The following SFTPC variants were observed in gnomAD, a reference collection of about 807,000 sequenced individuals.
SFTPC encodes the protein BRICHOS domain containing 6.
SFTPC carries 12 observed loss-of-function variants against 19.9 expected under a neutral mutation model. That is an observed-to-expected ratio of 0.60 (90% CI 0.39 to 0.98). SFTPC has a LOEUF of 0.98. SFTPC is among the 50% of genes least tolerant of loss of function. SFTPC has a pLI of 0.00. For missense variants in SFTPC, 219 were observed against 252.2 expected, an observed-to-expected ratio of 0.87 and a Z score of 0.89; for synonymous variants, 123 against 103.3, an observed-to-expected ratio of 1.19 and a Z score of -1.16.
upstream of SFTPC, chr8:22,158,549 G>C (rs1241888427): frequency 6.6e-6 from 1 of 152,274 alleles, no homozygotes; most frequent in Non-Finnish European, 1.5e-5. Context: ...CCCAGAAACA[G>C]ACAAAGAGGG....
intron 1 of SFTPC, 134 bp downstream of exon 1, chr8:22,162,004 C>G (rs1450508610): frequency 1.0e-6 from 1 of 954,426 alleles, no homozygotes; most frequent in African/African-American, 1.6e-5. Context: ...TGTGATAAGT[C>G]AGGATGGGGA....
chr8:22,162,449 T>C, intron 1 of SFTPC, 125 bp from the exon 2 acceptor site: 2 of 1,063,610 alleles, frequency 1.9e-6, no homozygotes, highest in Non-Finnish European at 2.9e-6. Flanking sequence ...AGCCCTTCCC[T>C]GTCCATCCAT....
rs2131823690 is a variant in SFTPC, at chr8:22,164,308, AG to A, written c.*64del. 1 of 1,536,158 alleles carries A rather than the reference AG, an allele frequency of 6.5e-7. No homozygotes were observed. The highest frequency in any genetic ancestry group is 1.2e-5 in the South Asian group (1 of 84,068). ...ACGGGAAAGGAAACGCCCCGGGCAA[AG>A]GGTCTTTTGCAGCTTTTGCAGACGG... On this transcript the variant is annotated 3_prime_UTR_variant, in exon 6 of 6. Coordinates refer to ENST00000679463, the MANE Select transcript of SFTPC (RefSeq NM_001317778.2).
chr8:22,162,933 T>C, intron 2 of SFTPC, 147 bp from the exon 3 acceptor site: 1 of 1,352,832 alleles, frequency 7.4e-7, no homozygotes, highest in Non-Finnish European at 1.0e-6. Flanking sequence ...GACAGCCAGC[T>C]CCCTCCAGCA....
Position 22,163,527 on chromosome 8 carries a change from G to A in SFTPC, c.416G>A (p.Arg139Lys). 6.2e-7 allele frequency: 1 copy of A among 1,612,626 alleles called. No individual in the cohort carries two copies. Among genetic ancestry groups the A allele is most frequent in the Middle Eastern group, 1.6e-4 (1 of 6,062 alleles). Reference sequence around the variant, plus strand: ...ATCCCCAGTCTTGAGGCTCTCACTAGAAAAGTCCACAACTTCCAGGTGTGT... The same window carrying A: ...ATCCCCAGTCTTGAGGCTCTCACTAAAAAAGTCCACAACTTCCAGGTGTGT... ...ESIPSLEALT[R>K]KVHNFQAKPA... Residue 139 changes from arginine to lysine, a missense_variant, in exon 4 of 6, where the codon AGA becomes AAA. Transcript: ENST00000679463.
intron 5 of SFTPC, 95 bp downstream of exon 5, chr8:22,164,154 G>A: frequency 1.3e-6 from 2 of 1,555,536 alleles, no homozygotes; most frequent in East Asian, 2.4e-5. Flanking sequence ...GCGCTGGGGC[G>A]TCCACTGAAG....
upstream of SFTPC, among the ~76,000 whole-genome samples, chr8:22,158,367 G>A (rs1248757895): frequency 1.3e-5 from 2 of 152,082 alleles, no homozygotes; most frequent in African/African-American, 2.4e-5. Context: ...GGGGCAGCTG[G>A]GCAACTGTCC....
chr8:22,161,576 C>T (rs1370947055), upstream of SFTPC: 2 of 1,160,524 alleles, frequency 1.7e-6, no homozygotes, highest in East Asian at 2.7e-5. Context: ...GTTTGCTCAA[C>T]TCACCCAGGT....
Position 22,161,851 on chromosome 8 carries a change from T to C in SFTPC, c.23T>C (p.Val8Ala). Reference protein sequence around the residue: MDVGSKEVLMESPPDYSA... With the variant: MDVGSKEALMESPPDYSA... ...AAGATGGATGTGGGCAGCAAAGAGG[T>C]CCTGATGGAGAGCCCGCCGGTGAGT... Residue 8 changes from valine (V) to alanine (A), a missense_variant, in exon 1 of 6, where the codon GTC becomes GCC. By Grantham distance (64) the Val-to-Ala change is moderately conservative (BLOSUM62 0). Transcript: ENST00000679463. 1 of 1,613,582 alleles carries C rather than the reference T, an allele frequency of 6.2e-7. No individual in the cohort carries two copies. Among genetic ancestry groups the C allele is most frequent in the Non-Finnish European group, 8.5e-7 (1 of 1,179,862 alleles).
chr8:22,164,190 A>G, intron 5 of SFTPC, 76 bp from the exon 6 acceptor site: 1 of 1,534,900 alleles, frequency 6.5e-7, no homozygotes. Flanking sequence ...AACTCGGGGG[A>G]GGGGAAGCTC....
upstream of SFTPC, chr8:22,161,542 G>C (rs1284218261): frequency 9.0e-6 from 6 of 664,758 alleles, no homozygotes; most frequent in Non-Finnish European, 1.4e-5. Flanking sequence ...CCCATGGTGA[G>C]AAGTGCAGAT....
upstream of SFTPC, chr8:22,161,683 A>AGGAACAAACAGGCTTCAAAGCCAAG: frequency 6.2e-7 from 1 of 1,604,104 alleles, no homozygotes; most frequent in Non-Finnish European, 8.5e-7. Context: ...CTGGAGGGCC[A>AGGAACAAACAGGCTTCAAAGCCAAG]GGAACAAACA....
chr8:22,159,639 G>C (rs1586414606), upstream of SFTPC: 1 of 511,592 alleles, frequency 2.0e-6, no homozygotes, highest in South Asian at 1.5e-5. Flanking sequence ...ACAGGCAGGG[G>C]AGACCAAGGA....
rs747175730 is a variant in SFTPC, at chr8:22,164,020, G to A, written c.555G>A (p.Glu185=). Residue 185 remains glutamate (E), a synonymous_variant, in exon 5 of 6, where the codon GAG becomes GAA. Coordinates refer to ENST00000679463, the MANE Select transcript of SFTPC (RefSeq NM_001317778.2). The stretch of plus-strand genomic sequence containing the variant: ...TGGCCGTGAGCACCCTGTGTGGCGA[G>A]GTGCCGCTCTACTACATCTAGGACG... ...LGMAVSTLCG[E]VPLYYI 13 of 1,612,194 alleles carry A rather than the reference G, an allele frequency of 8.1e-6. No homozygotes were observed. The South Asian group carries it at 9.9e-5, about 12-fold the overall frequency.
intron 1 of SFTPC, 26 bp from the exon 2 acceptor site, chr8:22,162,548 T>C (rs1190576977): frequency 1.2e-6 from 2 of 1,612,720 alleles, no homozygotes; most frequent in Non-Finnish European, 1.7e-6. Flanking sequence ...CTCATGCCTG[T>C]CTCCTTGCCT....
At chr8:22,160,481 T>G (rs910361389), upstream of SFTPC, among the ~76,000 whole-genome samples, 4 of 152,272 alleles carry the variant, frequency 2.6e-5, no homozygotes, top group Non-Finnish European at 5.9e-5. Flanking sequence ...CACAATGGCA[T>G]GCACTGGTAG....
chr8:22,162,524 G>A, intron 1 of SFTPC, 50 bp from the exon 2 acceptor site: 1 of 1,604,288 alleles, frequency 6.2e-7, no homozygotes, highest in South Asian at 1.1e-5. Context: ...GAGAAGAGGG[G>A]ACAGCCTCAT....
chr8:22,157,550 A>G (rs1827545146), upstream of SFTPC: 1 of 152,674 alleles, frequency 6.5e-6, no homozygotes, highest in African/African-American at 2.4e-5. Context: ...AGAAAAAGGT[A>G]TCAGCAGGGA....
chr8:22,161,678 G>A (rs1827724956), upstream of SFTPC: 1 of 1,602,868 alleles, frequency 6.2e-7, no homozygotes, highest in Non-Finnish European at 8.5e-7. Flanking sequence ...CGGTTCTGGA[G>A]GGCCAGGAAC....
Sources: gnomAD v4.1 joint callset for allele counts (sites outside exome capture counted in the v4.1 genomes callset) on GRCh38, gnomAD v4.1.1 for gene constraint, MANE v1.5 for transcripts, NCBI Gene and HGNC (gene_info 2026-07-23, HGNC 2026-07-21) for gene names.